The following VIRMA variants were observed in gnomAD, a reference collection of about 807,000 sequenced individuals.
The protein encoded by VIRMA is protein virilizer homolog.
VIRMA carries 65 observed loss-of-function variants against 182.4 expected under a neutral mutation model. The observed-to-expected ratio is 0.36, with a 90% CI of 0.29 to 0.44. The LOEUF (loss-of-function observed/expected upper bound fraction) is 0.44. Among genes scored for constraint, VIRMA ranks in the 20% least tolerant of loss-of-function variants. The pLI, the probability that VIRMA is intolerant of heterozygous loss-of-function variation, is 1.00. For missense variants in VIRMA, 1,752 were observed against 2,158.1 expected, an observed-to-expected ratio of 0.81 and a Z score of 3.73; for synonymous variants, 709 against 743.1, an observed-to-expected ratio of 0.95 and a Z score of 0.75.
intron 4 of VIRMA, among the ~76,000 whole-genome samples, chr8:94,535,323 A>G (rs577184988): frequency 4.6e-5 from 7 of 152,192 alleles, no homozygotes; most frequent in Non-Finnish European, 8.8e-5. Flanking sequence ...AGTTATTGCT[A>G]ATTAATAAAT....
chr8:94,491,126 A>T (rs74748777), intron 22 of VIRMA, among the ~76,000 whole-genome samples: 7,442 of 135,266 alleles, frequency 0.055, 391 homozygotes, highest in East Asian at 0.13. Flanking sequence ...CTAGCCTGGC[A>T]AACACGGCGA....
intron 8 of VIRMA, among the ~76,000 whole-genome samples, chr8:94,520,562 A>G (rs772502089): frequency 2.6e-5 from 4 of 151,960 alleles, no homozygotes; most frequent in Admixed American, 6.6e-5. Flanking sequence ...TTCTTACATC[A>G]TTCCCTACAC....
At chr8:94,520,382 C>T (rs1814720583) in intron 8 of VIRMA, among the ~76,000 whole-genome samples, 1 of 151,968 alleles carries the variant, frequency 6.6e-6, no homozygotes, top group Non-Finnish European at 1.5e-5. Flanking sequence ...GTAGTCCCAG[C>T]TACTTGGGAG....
intron 1 of VIRMA, among the ~76,000 whole-genome samples, chr8:94,544,835 C>T (rs1485909056): frequency 6.6e-6 from 1 of 151,920 alleles, no homozygotes; most frequent in Non-Finnish European, 1.5e-5. Context: ...GTACTTAGAT[C>T]AGCTTACTTT....
At position 94,523,622 on chromosome 8, in the gene VIRMA, C is replaced by A. The variant is rs1472852933; in HGVS notation, c.2021+2601G>T. ...TTCTGTAGCGGTCTCCCTATGTTGC[C>A]CAGGCTGGCCAAATTTCTTTTTTGA... On this transcript the variant is annotated intron_variant, in intron 8 of 23. Coordinates refer to ENST00000297591, the MANE Select transcript of VIRMA (RefSeq NM_015496.5). Among the ~76,000 whole-genome samples the A allele has an allele frequency of 2.0e-5, 3 of 152,040 alleles. No individual in the cohort carries two copies. The East Asian group carries it at 5.8e-4, about 29-fold the overall frequency.
chr8:94,543,216 C>T (rs56042558), intron 2 of VIRMA, among the ~76,000 whole-genome samples: 36,070 of 151,318 alleles, frequency 0.24, 5,299 homozygotes, highest in East Asian at 0.5. Flanking sequence ...ACCAGTCTGA[C>T]CAATATGGTG....
rs1274400624 is a variant in VIRMA, at chr8:94,530,818, G to T, written c.607+145C>A. 14 of 712,708 alleles carry T rather than the reference G, an allele frequency of 2.0e-5. No individual in the cohort carries two copies. The East Asian group carries it at 4.5e-4, about 23-fold the overall frequency. 44.1% of individuals were successfully genotyped at this position (712,708 alleles called of 1,614,324 possible). A position where few individuals can be genotyped will look rare whatever the true frequency, so the allele number is the denominator to read the frequency against. ...TCCCAGCTACTTAGGAGGCTGAGGT[G>T]AGAGGATCACTTAAGCCCAGGTGGT... On this transcript the variant is annotated intron_variant, in intron 6 of 23. Transcript: ENST00000297591.
intron 2 of VIRMA, among the ~76,000 whole-genome samples, chr8:94,541,633 C>G (rs1331344755): frequency 6.6e-6 from 1 of 151,894 alleles, no homozygotes; most frequent in Non-Finnish European, 1.5e-5. Context: ...CCTCCACCCC[C>G]CAGGTTCAGG....
intron 8 of VIRMA, among the ~76,000 whole-genome samples, chr8:94,520,334 A>C (rs997573756): frequency 3.3e-5 from 5 of 152,138 alleles, no homozygotes; most frequent in Non-Finnish European, 7.3e-5. Flanking sequence ...TGTCTCTAAA[A>C]AAATTTTTTA....
At chr8:94,521,939 T>C (rs960322201) in intron 8 of VIRMA, among the ~76,000 whole-genome samples, 10 of 152,134 alleles carry the variant, frequency 6.6e-5, no homozygotes, top group Admixed American at 1.3e-4. Flanking sequence ...GCTTGCAAGG[T>C]TGGCTACTGG....
chr8:94,539,188 G>A (rs1040403207), intron 2 of VIRMA, among the ~76,000 whole-genome samples: 5 of 151,910 alleles, frequency 3.3e-5, no homozygotes, highest in Non-Finnish European at 7.4e-5. Context: ...ACTCAGGCAT[G>A]CCTGTTTCCT....
chr8:94,494,386 T>C lies in VIRMA; in HGVS notation c.4641+474A>G, dbSNP rs893406732. 4.6e-5 allele frequency among the ~76,000 whole-genome samples: 7 copies of C among 151,862 alleles called. No individual in the cohort carries two copies. The East Asian group carries it at 1.2e-3, about 25-fold the overall frequency. ...GCAGGCAGATCACAAGGTCAGGAGT[T>C]TGAGACCAGCCTGACCAACATGGTA... On this transcript the variant is annotated intron_variant, in intron 20 of 23. Coordinates refer to ENST00000297591, the MANE Select transcript of VIRMA (RefSeq NM_015496.5).
At chr8:94,502,979 A>G (rs1219109227) in intron 16 of VIRMA, among the ~76,000 whole-genome samples, 1 of 152,206 alleles carries the variant, frequency 6.6e-6, no homozygotes, top group African/African-American at 2.4e-5. Context: ...TGAATTATAT[A>G]CAATGAAAAA....
chr8:94,530,873 C>G, intron 6 of VIRMA, 90 bp downstream of exon 6: 3 of 1,429,622 alleles, frequency 2.1e-6, no homozygotes, highest in Non-Finnish European at 2.8e-6. Context: ...TGTACTCCAC[C>G]CTGGGCAACA....
At chr8:94,510,792 A>C in intron 13 of VIRMA, 140 bp from the exon 14 acceptor site, 1 of 774,292 alleles carries the variant, frequency 1.3e-6, no homozygotes, top group Non-Finnish European at 2.0e-6. Context: ...TATACAGTTA[A>C]ACATTTGCTT....
At chr8:94,507,690 G>T (rs1814207286) in intron 15 of VIRMA, among the ~76,000 whole-genome samples, 1 of 151,758 alleles carries the variant, frequency 6.6e-6, no homozygotes, top group African/African-American at 2.4e-5. Context: ...GGAGGCGGAG[G>T]TTGCACTGAG....
intron 13 of VIRMA, 59 bp downstream of exon 13, chr8:94,511,126 G>A (rs758087800): frequency 6.4e-7 from 1 of 1,556,622 alleles, no homozygotes; most frequent in South Asian, 1.2e-5. Context: ...AAAATCACTG[G>A]CTTTTTAAAA....
chr8:94,522,137 T>C (rs369411769), intron 8 of VIRMA, among the ~76,000 whole-genome samples: 16 of 152,262 alleles, frequency 1.1e-4, no homozygotes, highest in East Asian at 3.9e-4. Flanking sequence ...ATAAAAAAAT[T>C]TGCATGCCAA....
At chr8:94,513,610 T>A (rs1440897808) in intron 11 of VIRMA, among the ~76,000 whole-genome samples, 1 of 152,146 alleles carries the variant, frequency 6.6e-6, no homozygotes, top group African/African-American at 2.4e-5. Flanking sequence ...ATTAATGGGA[T>A]AAAGATTTAC....
Sources: allele counts gnomAD v4.1 joint callset (sites outside exome capture counted in the v4.1 genomes callset), GRCh38; gene constraint gnomAD v4.1.1; transcripts MANE v1.5; gene names NCBI Gene and HGNC (gene_info 2026-07-23, HGNC 2026-07-21).